Variants in CDK6 observed in about 807,000 individuals in gnomAD.
CDK6 encodes the protein cyclin dependent kinase 6, also known as cyclin-dependent kinase 6.
In CDK6, 6 loss-of-function variants were observed where a neutral mutation model predicts 37.1. That is an observed-to-expected ratio of 0.16 (90% CI 0.09 to 0.32). CDK6 has a LOEUF of 0.32. Among genes scored for constraint, CDK6 ranks in the 10% least tolerant of loss-of-function variants. CDK6 has a pLI of 1.00. For missense variants in CDK6, 224 were observed against 418.9 expected (o/e 0.53, Z 4.06); for synonymous variants, 160 against 161.3 (o/e 0.99, Z 0.06).
At chr7:92,808,018 T>C (rs994281395) in intron 2 of CDK6, among the ~76,000 whole-genome samples, 3 of 152,204 alleles carry the variant, frequency 2.0e-5, no homozygotes, top group African/African-American at 7.2e-5. Flanking sequence ...TTCTAATAAC[T>C]AAGCTTTCTT....
At chr7:92,652,801 C>G (rs1351685360) in intron 5 of CDK6, among the ~76,000 whole-genome samples, 14 of 152,182 alleles carry the variant, frequency 9.2e-5, no homozygotes, top group Non-Finnish European at 2.1e-4. Context: ...CCTTTCATAC[C>G]AGTCCTTTCA....
rs558399973 is a variant in CDK6, at chr7:92,693,289, G to C, written c.538-21754C>G. On this transcript the variant is annotated intron_variant, in intron 4 of 7. Coordinates refer to ENST00000424848, the MANE Select transcript of CDK6 (RefSeq NM_001145306.2). ...GAAAGAAATGGGGGTGCCTAGGCTT[G>C]AGAATAACTGGATATGGGCTGAGTT... Among the ~76,000 whole-genome samples the C allele has an allele frequency of 2.0e-5, 3 of 152,260 alleles. No homozygotes were observed. In the East Asian group the frequency reaches 5.8e-4, roughly 29 times the overall value.
chr7:92,648,681 T>C (rs920043897), intron 5 of CDK6, among the ~76,000 whole-genome samples: 8 of 152,190 alleles, frequency 5.3e-5, no homozygotes, highest in African/African-American at 1.9e-4. Flanking sequence ...TCAATACGTA[T>C]TGGATGACCG....
intron 5 of CDK6, among the ~76,000 whole-genome samples, chr7:92,636,596 G>T (rs1380892139): frequency 6.6e-6 from 1 of 152,072 alleles, no homozygotes; most frequent in Non-Finnish European, 1.5e-5. Flanking sequence ...AACAGCATTT[G>T]ATAAAAAACA....
intron 4 of CDK6, among the ~76,000 whole-genome samples, chr7:92,676,923 C>T (rs1315788591): frequency 6.8e-6 from 1 of 147,558 alleles, no homozygotes; most frequent in Admixed American, 6.8e-5. Context: ...CGCGCCACTG[C>T]ACTCCAGCCT....
At chr7:92,742,763 C>G (rs1798957323) in intron 3 of CDK6, among the ~76,000 whole-genome samples, 1 of 149,566 alleles carries the variant, frequency 6.7e-6, no homozygotes, top group Non-Finnish European at 1.5e-5. Context: ...ACACACACCC[C>G]TTTTGTACTT....
In CDK6 at chr7:92,614,696, T is replaced by TACACAC. The variant is rs10552976; in HGVS notation, c.*438_*443dup. 13 of 228,618 alleles carry TACACAC rather than the reference T, an allele frequency of 5.7e-5. No individual in the cohort carries two copies. Among genetic ancestry groups the TACACAC allele is most frequent in the Admixed American group, 2.9e-4 (5 of 17,482 alleles). 14.2% of individuals were successfully genotyped at this position (228,618 alleles called of 1,614,324 possible). On this transcript the variant is annotated 3_prime_UTR_variant, in exon 8 of 8. Transcript: ENST00000424848. ...TTAAAAGATCACAGAATCTCTCACATACACACACACACACACACACACACA... is the reference window on the plus strand; with the variant it reads ...TTAAAAGATCACAGAATCTCTCACATACACACACACACACACACACACACACACACA...
At chr7:92,644,613 C>T (rs1426664639) in intron 5 of CDK6, among the ~76,000 whole-genome samples, 5 of 152,152 alleles carry the variant, frequency 3.3e-5, no homozygotes, top group Non-Finnish European at 7.3e-5. Context: ...TGTAGAAGGA[C>T]ACATTAAGTA....
intron 5 of CDK6, among the ~76,000 whole-genome samples, chr7:92,655,078 T>TCAAGTGATCTGAAA (rs1374863427): frequency 1.3e-5 from 2 of 151,170 alleles, no homozygotes; most frequent in Non-Finnish European, 2.9e-5. Context: ...ACTCCTGGAC[T>TCAAGTGATCTGAAA]CAAGTGATCT....
intron 5 of CDK6, among the ~76,000 whole-genome samples, chr7:92,644,289 G>A (rs1796388986): frequency 6.6e-6 from 1 of 152,176 alleles, no homozygotes. Context: ...TTTTCTCTGG[G>A]AGAACAGAAG....
chr7:92,725,064 C>T (rs930092376), intron 4 of CDK6: 10 of 985,204 alleles, frequency 1.0e-5, no homozygotes, highest in Non-Finnish European at 1.2e-5. Context: ...AAAACAGGGC[C>T]GTTGGGTTCG....
At position 92,833,983 on chromosome 7, in the gene CDK6, C is replaced by T; in HGVS notation, c.-367-293G>A. 2.5e-6 allele frequency: 1 copy of T among 398,604 alleles called. No individual in the cohort carries two copies. Among genetic ancestry groups the T allele is most frequent in the Non-Finnish European group, 4.4e-6 (1 of 226,122 alleles). 24.7% of individuals were successfully genotyped at this position (398,604 alleles called of 1,614,324 possible). ...GTGGAACGGGAGGGGGCGTGCCGAG[C>T]AGCCCAGAGTGTGCCGGGAGCGCGG... On this transcript the variant is annotated intron_variant, in intron 1 of 7. Transcript: ENST00000424848. The surrounding 1 kb of genome is among the most constrained non-coding windows in gnomAD (Gnocchi z 6.1).
rs1801550569 is a variant in CDK6 at position 92,833,463 on chromosome 7, C to T, written c.-140G>A. On this transcript the variant is annotated 5_prime_UTR_variant, in exon 2 of 8. Transcript: ENST00000424848. This position sits in a 1 kb window ranked among gnomAD's most constrained non-coding sequence, Gnocchi z 6.1. ...CTTGCTCCCCGCCGGCTCAGGCGCT[C>T]GGGCGCTGGGGCTTTCGCCGCTGCA... 9.7e-6 allele frequency: 6 copies of T among 619,020 alleles called. No homozygotes were observed. The highest frequency in any genetic ancestry group is 1.6e-5 in the Non-Finnish European group (6 of 370,638). The allele number at this position is 619,020 out of a possible 1,614,324, so 38.3% of individuals were successfully genotyped here.
intron 2 of CDK6, among the ~76,000 whole-genome samples, chr7:92,822,424 AAAAT>A (rs1801197884): frequency 6.6e-6 from 1 of 152,276 alleles, no homozygotes; most frequent in Admixed American, 6.5e-5. Context: ...AGTGAATAGA[AAAAT>A]AAAATATCTA....
rs373638123 is a variant in CDK6 at position 92,833,418 on chromosome 7, C to G, written c.-95G>C. The G allele has an allele frequency of 3.6e-5, 31 of 850,478 alleles. No individual in the cohort carries two copies. In the African/African-American group the frequency reaches 3.9e-4, roughly 11 times the overall value. The allele number at this position is 850,478 out of a possible 1,614,324, so 52.7% of individuals were successfully genotyped here. A position where few individuals can be genotyped will look rare whatever the true frequency, so the allele number is the denominator to read the frequency against. The stretch of plus-strand genomic sequence containing the variant: ...GCCGCTCGCCTACTCCGGGGCTCCC[C>G]GGAGATCGGTCTAGCTTTACTTGCT... On this transcript the variant is annotated 5_prime_UTR_variant, in exon 2 of 8. Coordinates refer to ENST00000424848, the MANE Select transcript of CDK6 (RefSeq NM_001145306.2). The surrounding 1 kb of genome is among the most constrained non-coding windows in gnomAD (Gnocchi z 6.1).
chr7:92,681,724 T>C (rs972330843), intron 4 of CDK6, among the ~76,000 whole-genome samples: 6 of 152,326 alleles, frequency 3.9e-5, no homozygotes, highest in African/African-American at 4.8e-5. Flanking sequence ...CTAGTGTTCC[T>C]CCTGCCTTTG....
chr7:92,682,481 G>A (rs1024179459), intron 4 of CDK6, among the ~76,000 whole-genome samples: 3 of 152,184 alleles, frequency 2.0e-5, no homozygotes, highest in African/African-American at 4.8e-5. Flanking sequence ...TCCTCCGCAA[G>A]CATAAATGAT....
chr7:92,630,278 C>CTTT (rs1237916070), intron 5 of CDK6, among the ~76,000 whole-genome samples: 46 of 95,048 alleles, frequency 4.8e-4, no homozygotes, highest in Admixed American at 1.6e-3. Flanking sequence ...TGCCAAATTA[C>CTTT]ATTATTTATT....
At chr7:92,623,196 G>A (rs929800620) in intron 5 of CDK6, 110 bp from the exon 6 acceptor site, 4 of 735,194 alleles carry the variant, frequency 5.4e-6, no homozygotes, top group Non-Finnish European at 6.8e-6. Flanking sequence ...TATGGGTTGG[G>A]AAGAAGTAAA....
Sources: gnomAD v4.1 joint callset for allele counts (sites outside exome capture counted in the v4.1 genomes callset) on GRCh38, gnomAD v4.1.1 for gene constraint, Gnocchi (gnomAD v3.1) non-coding constraint, MANE v1.5 for transcripts, NCBI Gene and HGNC (gene_info 2026-07-23, HGNC 2026-07-21) for gene names.